BLTP3A: variants seen among roughly 807,000 people sequenced by gnomAD.
BLTP3A encodes ICBP90 binding protein 1.
At chr6:34,817,343 A>T in the BLTP3A span, among the ~76,000 whole-genome samples, 8 of 152,208 alleles carry the variant, frequency 5.3e-5, no homozygotes, top group African/African-American at 1.9e-4. Flanking sequence ...TTTGGTTCAG[A>T]GAATAAAGTT....
At chr6:34,820,247 T>C in the BLTP3A span, among the ~76,000 whole-genome samples, 3 of 152,174 alleles carry the variant, frequency 2.0e-5, no homozygotes, top group Admixed American at 2.0e-4. Context: ...ATCTCTTTTC[T>C]TCATTTCTCT....
chr6:34,850,135 C>T, the BLTP3A span, among the ~76,000 whole-genome samples: 1 of 150,402 alleles, frequency 6.6e-6, no homozygotes, highest in Non-Finnish European at 1.5e-5. Flanking sequence ...AAGAGCAAAA[C>T]TCGGTCTCAA....
At chr6:34,817,837 C>A in the BLTP3A span, among the ~76,000 whole-genome samples, 1 of 150,214 alleles carries the variant, frequency 6.7e-6, no homozygotes, top group African/African-American at 2.5e-5. Context: ...AAAGGCCCAG[C>A]AAGACGTGTA....
chr6:34,859,614 C>T, the BLTP3A span: 1 of 1,601,774 alleles, frequency 6.2e-7, no homozygotes, highest in South Asian at 1.1e-5. Context: ...ATCTCCTTCT[C>T]CTAGTTCTGA....
the BLTP3A span, among the ~76,000 whole-genome samples, chr6:34,847,921 CTTTTTTTT>C: frequency 3.3e-5 from 3 of 91,174 alleles, no homozygotes; most frequent in African/African-American, 1.6e-4. Context: ...TCTTTTTTTC[CTTTTTTTT>C]TTTTTTTTTT....
chr6:34,872,666 T>A, the BLTP3A span: 1 of 424,110 alleles, frequency 2.4e-6, no homozygotes, highest in Non-Finnish European at 4.1e-6. Flanking sequence ...TTGCCCTGTG[T>A]GTGGCACAAG....
At chr6:34,848,718 G>A in the BLTP3A span, among the ~76,000 whole-genome samples, 6 of 152,004 alleles carry the variant, frequency 3.9e-5, no homozygotes, top group South Asian at 2.1e-4. Context: ...TGTAGGTGAA[G>A]TGTGTTTCTT....
At chr6:34,870,771 G>A in the BLTP3A span, 3 of 1,495,768 alleles carry the variant, frequency 2.0e-6, no homozygotes, top group Non-Finnish European at 2.7e-6. Flanking sequence ...TTGACATAGG[G>A]TTATTATGAA....
At chr6:34,820,326 G>A in the BLTP3A span, among the ~76,000 whole-genome samples, 1 of 152,078 alleles carries the variant, frequency 6.6e-6, no homozygotes, top group Admixed American at 6.6e-5. Flanking sequence ...AGCTTGGGAA[G>A]GTTAGTTTCA....
chr6:34,805,679 C>G, the BLTP3A span, among the ~76,000 whole-genome samples: 1 of 130,956 alleles, frequency 7.6e-6, no homozygotes, highest in East Asian at 2.4e-4. Context: ...AGAAGGATTG[C>G]TTGAGCCTGC....
chr6:34,817,406 T>C, the BLTP3A span, among the ~76,000 whole-genome samples: 1 of 152,190 alleles, frequency 6.6e-6, no homozygotes, highest in Non-Finnish European at 1.5e-5. Flanking sequence ...TTAAAATCAG[T>C]AAAAGTATGT....
chr6:34,808,189 C>T, the BLTP3A span, among the ~76,000 whole-genome samples: 1 of 150,768 alleles, frequency 6.6e-6, no homozygotes, highest in African/African-American at 2.4e-5. Flanking sequence ...ACTGAAAATA[C>T]CAAATTAGCT....
chr6:34,862,009 C>T, the BLTP3A span, among the ~76,000 whole-genome samples: 4 of 152,198 alleles, frequency 2.6e-5, no homozygotes, highest in Admixed American at 2.6e-4. Flanking sequence ...AGAACCAATG[C>T]TGTATGAAAT....
chr6:34,827,462 C>T, the BLTP3A span, among the ~76,000 whole-genome samples: 26 of 152,108 alleles, frequency 1.7e-4, no homozygotes, highest in African/African-American at 5.8e-4. Context: ...GTCATGGCTC[C>T]TATCAACAGT....
chr6:34,869,431 C>G, the BLTP3A span, among the ~76,000 whole-genome samples: 1 of 152,038 alleles, frequency 6.6e-6, no homozygotes, highest in Non-Finnish European at 1.5e-5. Context: ...TCATTGTTAT[C>G]TTGCTTTACT....
At chr6:34,848,624 A>G in the BLTP3A span, among the ~76,000 whole-genome samples, 15 of 151,364 alleles carry the variant, frequency 9.9e-5, no homozygotes, top group South Asian at 2.9e-3. Flanking sequence ...AAAAAAATAC[A>G]TAGCTATTCC....
At chr6:34,853,548 TC>T in the BLTP3A span, among the ~76,000 whole-genome samples, 3 of 152,064 alleles carry the variant, frequency 2.0e-5, no homozygotes, top group South Asian at 6.3e-4. Context: ...TACCTCCTCC[TC>T]TAAAAATTCT....
chr6:34,798,866 A>AT, the BLTP3A span, among the ~76,000 whole-genome samples: 12 of 152,290 alleles, frequency 7.9e-5, no homozygotes, highest in Admixed American at 2.0e-4. Context: ...AATCATGTAC[A>AT]TTAAGAGAAA....
the BLTP3A span, among the ~76,000 whole-genome samples, chr6:34,805,912 T>G: frequency 6.6e-6 from 1 of 152,170 alleles, no homozygotes; most frequent in African/African-American, 2.4e-5. Flanking sequence ...AGACTGGGCT[T>G]TTAAAAGGTA....
Sources: gnomAD v4.1 joint callset for allele counts (sites outside exome capture counted in the v4.1 genomes callset) on GRCh38, gnomAD v4.1.1 for gene constraint, MANE v1.5 for transcripts, NCBI Gene and HGNC (gene_info 2026-07-23, HGNC 2026-07-21) for gene names.